The following SHOC2 variants were observed in gnomAD, a reference collection of about 807,000 sequenced individuals.
SHOC2 encodes SHOC2 leucine rich repeat scaffold protein.
Under a neutral mutation model 50.2 loss-of-function variants are expected in SHOC2, and 4 were observed. The observed-to-expected ratio is 0.08, with a 90% CI of 0.04 to 0.18. SHOC2 has a LOEUF of 0.18. Among genes scored for constraint, SHOC2 ranks in the 10% least tolerant of loss-of-function variants. The pLI, the probability that SHOC2 is intolerant of heterozygous loss-of-function variation, is 1.00. For missense variants in SHOC2, 388 were observed against 669.6 expected (o/e 0.58, Z 4.64); for synonymous variants, 218 against 244.5 (o/e 0.89, Z 1.01).
intron 3 of SHOC2, among the ~76,000 whole-genome samples, chr10:110,998,789 TA>T (rs1466863514): frequency 2.0e-5 from 3 of 152,170 alleles, no homozygotes; most frequent in Non-Finnish European, 4.4e-5. Context: ...ATGTAAAGGC[TA>T]AAAATTAGCT....
rs752383011 is a variant in SHOC2, at chr10:111,009,769, T to G, written c.1479T>G (p.Leu493=). The part of the protein sequence containing the change: ...LTTLPRGIGH[L]TNLTHLGLGE... ...CTCTTCCCAGAGGCATTGGTCACCT[T>G]ACTAATCTCACACATCTGGGCCTTG... is the stretch of plus-strand genomic sequence containing the variant. Residue 493 remains leucine (L), a synonymous_variant, in exon 8 of 9, where the codon CTT becomes CTG. Coordinates refer to ENST00000369452, the MANE Select transcript of SHOC2 (RefSeq NM_007373.4). 2.5e-6 allele frequency: 4 copies of G among 1,613,428 alleles called. No homozygotes were observed. The South Asian group carries it at 4.4e-5, about 18-fold the overall frequency.
At chr10:111,002,337 T>A (rs1023552016) in intron 4 of SHOC2, among the ~76,000 whole-genome samples, 1 of 152,188 alleles carries the variant, frequency 6.6e-6, no homozygotes, top group African/African-American at 2.4e-5. Context: ...ACAGCACTTA[T>A]GAGATACTCA....
At chr10:111,000,935 G>C (rs1848359616) in intron 4 of SHOC2, among the ~76,000 whole-genome samples, 1 of 151,934 alleles carries the variant, frequency 6.6e-6, no homozygotes, top group Non-Finnish European at 1.5e-5. Context: ...AAAGAAAGAT[G>C]ATAAGTGATA....
At chr10:110,958,305 C>A (rs1216434111) in intron 1 of SHOC2, among the ~76,000 whole-genome samples, 4 of 151,858 alleles carry the variant, frequency 2.6e-5, no homozygotes, top group Non-Finnish European at 5.9e-5. Flanking sequence ...ACCTCTGTCT[C>A]CCAGTTCAAG....
intron 1 of SHOC2, among the ~76,000 whole-genome samples, chr10:110,924,028 TC>T (rs1846706647): frequency 6.6e-6 from 1 of 152,248 alleles, no homozygotes; most frequent in Non-Finnish European, 1.5e-5. Context: ...TGGGTTTTTT[TC>T]AGTTTCCAGT....
At chr10:110,932,290 G>C (rs1846911011) in intron 1 of SHOC2, among the ~76,000 whole-genome samples, 1 of 152,026 alleles carries the variant, frequency 6.6e-6, no homozygotes, top group South Asian at 2.1e-4. Context: ...AAGAAATTTG[G>C]GTTTAATCCT....
rs149084468 is a variant in SHOC2 at position 110,964,690 on chromosome 10, C to T, written c.332C>T (p.Ser111Phe). The T allele has an allele frequency of 4.3e-6, 7 of 1,614,022 alleles. No individual in the cohort carries two copies. The highest frequency in any genetic ancestry group is 1.3e-5 in the African/African-American group (1 of 74,908). ...NSMRLDLSKRSIHILPSSIKE... is the reference protein window; with the variant it reads ...NSMRLDLSKRFIHILPSSIKE... ...ATGCGTTTGGACTTATCCAAGAGAT[C>T]TATACACATATTGCCATCATCAATC... The change falls in exon 2 of 9, where the codon TCT (serine) becomes TTT (phenylalanine). Residue 111 changes from serine to phenylalanine, a missense_variant. Transcript: ENST00000369452. This position sits in a 1 kb window ranked among gnomAD's most constrained non-coding sequence, Gnocchi z 4.9.
chr10:110,991,698 TG>T (rs1234029636), intron 3 of SHOC2, among the ~76,000 whole-genome samples: 1 of 152,170 alleles, frequency 6.6e-6, no homozygotes, highest in Non-Finnish European at 1.5e-5. Context: ...TGAGGTTTGG[TG>T]GGAAACTTTG....
At chr10:111,009,126 ACAT>A in intron 6 of SHOC2, 119 bp from the exon 7 acceptor site, 1 of 583,560 alleles carries the variant, frequency 1.7e-6, no homozygotes, top group Admixed American at 3.2e-5. Context: ...ATATAATTGA[ACAT>A]CACCCTTAAT....
chr10:110,998,230 C>T (rs1848304805), intron 3 of SHOC2, among the ~76,000 whole-genome samples: 1 of 152,080 alleles, frequency 6.6e-6, no homozygotes, highest in South Asian at 2.1e-4. Flanking sequence ...AACTCCTGAC[C>T]TCAGGTGATC....
At chr10:111,003,958 GT>G (rs1189019783) in intron 4 of SHOC2, among the ~76,000 whole-genome samples, 5 of 151,988 alleles carry the variant, frequency 3.3e-5, no homozygotes, top group African/African-American at 1.2e-4. Context: ...TAATACTTTG[GT>G]TAAATGGTGA....
intron 1 of SHOC2, among the ~76,000 whole-genome samples, chr10:110,955,866 T>C (rs1294365458): frequency 6.6e-6 from 1 of 152,198 alleles, no homozygotes; most frequent in African/African-American, 2.4e-5. Flanking sequence ...CTGTTCTCGT[T>C]GAAGAGTTAG....
intron 2 of SHOC2, among the ~76,000 whole-genome samples, chr10:110,972,432 G>C (rs180841768): frequency 6.6e-6 from 1 of 152,112 alleles, no homozygotes; most frequent in Non-Finnish European, 1.5e-5. Flanking sequence ...ATTCATAGTT[G>C]TTAATAAATA....
intron 3 of SHOC2, among the ~76,000 whole-genome samples, chr10:110,987,160 T>C (rs1027989151): frequency 6.6e-6 from 1 of 151,964 alleles, no homozygotes; most frequent in African/African-American, 2.4e-5. Flanking sequence ...ATCTCCATTG[T>C]TTTGCTTGTA....
intron 5 of SHOC2, 94 bp downstream of exon 5, chr10:111,004,888 C>CTCTAATTGTGTGGG: frequency 1.2e-6 from 1 of 845,544 alleles, no homozygotes; most frequent in South Asian, 1.4e-5. Context: ...GGAGTGGGTA[C>CTCTAATTGTGTGGG]TTGTACCTTG....
Position 111,012,134 on chromosome 10 carries a change from A to T in SHOC2, c.*316A>T. 1 of 259,322 alleles carries T rather than the reference A, an allele frequency of 3.9e-6. No individual in the cohort carries two copies. Among genetic ancestry groups the T allele is most frequent in the South Asian group, 6.0e-5 (1 of 16,760 alleles). 16.1% of individuals were successfully genotyped at this position (259,322 alleles called of 1,614,324 possible). On this transcript the variant is annotated 3_prime_UTR_variant, in exon 9 of 9. Transcript: ENST00000369452. ...AGGGACAGAGGTAGTATAGTTAGAT[A>T]TACTTTCTCTTAGGAAAAATAATGG...
At chr10:110,961,952 G>T (rs1260850346) in intron 1 of SHOC2, among the ~76,000 whole-genome samples, 1 of 151,850 alleles carries the variant, frequency 6.6e-6, no homozygotes, top group Non-Finnish European at 1.5e-5. Context: ...TTTTGTTGAG[G>T]CGTTTATTTT....
intron 1 of SHOC2, among the ~76,000 whole-genome samples, chr10:110,923,882 A>C (rs890351418): frequency 6.6e-6 from 1 of 152,176 alleles, no homozygotes; most frequent in South Asian, 2.1e-4. Context: ...AAGTCCTATA[A>C]TTTTAAGTAA....
chr10:111,004,368 C>T (rs1848431969), intron 4 of SHOC2, among the ~76,000 whole-genome samples: 1 of 152,176 alleles, frequency 6.6e-6, no homozygotes, highest in Middle Eastern at 3.2e-3. Flanking sequence ...GGAAAATTTT[C>T]TGTTTCCTCC....
Sources: allele counts gnomAD v4.1 joint callset (sites outside exome capture counted in the v4.1 genomes callset), GRCh38; gene constraint gnomAD v4.1.1; non-coding constraint Gnocchi (gnomAD v3.1); transcripts MANE v1.5; gene names NCBI Gene and HGNC (gene_info 2026-07-23, HGNC 2026-07-21).